The following ARHGAP5 variants were observed in gnomAD, a reference collection of about 807,000 sequenced individuals.
The protein encoded by ARHGAP5 is Rho GTPase activating protein 5.
In ARHGAP5, 23 loss-of-function variants were observed where a neutral mutation model predicts 116.6. That is an observed-to-expected ratio of 0.20 (90% CI 0.14 to 0.28). The LOEUF (loss-of-function observed/expected upper bound fraction) is 0.28. Ranked by LOEUF, ARHGAP5 falls within the 10% of genes least tolerant of loss-of-function variation. ARHGAP5 has a pLI of 1.00. For synonymous variants in ARHGAP5, 574 were observed against 602.0 expected (o/e 0.95, Z 0.68); for missense variants, 1,405 against 1,774.8 (o/e 0.79, Z 3.74).
At chr14:32,086,609 A>G (rs957877721) in intron 1 of ARHGAP5, among the ~76,000 whole-genome samples, 2 of 151,520 alleles carry the variant, frequency 1.3e-5, no homozygotes, top group Non-Finnish European at 2.9e-5. Flanking sequence ...TTAAATATAT[A>G]CCTTTTATTA....
intron 3 of ARHGAP5, among the ~76,000 whole-genome samples, chr14:32,118,531 C>CTAGCTTTGTAGTTGAAA (rs1879720102): frequency 6.6e-6 from 1 of 151,958 alleles, no homozygotes; most frequent in Admixed American, 6.5e-5. Context: ...CCATTATCCA[C>CTAGCTTTGTAGTTGAAA]TAGCTTTGTA....
chr14:32,125,210 A>G (rs2139087712), intron 3 of ARHGAP5, among the ~76,000 whole-genome samples: 1 of 152,300 alleles, frequency 6.6e-6, no homozygotes, highest in African/African-American at 2.4e-5. Flanking sequence ...AATCTGCTTT[A>G]TGGCTCTCTG....
At chr14:32,153,058 T>TG (rs1566687211) in intron 6 of ARHGAP5, among the ~76,000 whole-genome samples, 2 of 142,222 alleles carry the variant, frequency 1.4e-5, no homozygotes, top group Non-Finnish European at 3.1e-5. Flanking sequence ...TTTGTTTTTT[T>TG]TTTTTTTTAA....
intron 1 of ARHGAP5, among the ~76,000 whole-genome samples, chr14:32,082,540 GATTA>G (rs924470338): frequency 7.2e-5 from 11 of 151,782 alleles, no homozygotes; most frequent in South Asian, 2.1e-4. Context: ...CTCTTTTATT[GATTA>G]ATTAATTAAT....
intron 2 of ARHGAP5, among the ~76,000 whole-genome samples, chr14:32,112,272 G>C (rs1379924911): frequency 6.6e-6 from 1 of 152,144 alleles, no homozygotes; most frequent in African/African-American, 2.4e-5. Flanking sequence ...GAGGTGTTTG[G>C]TTTTTTAAAA....
rs1477861808 is a variant in ARHGAP5, at chr14:32,094,391, G to T, written c.3717+5G>T. The T allele has an allele frequency of 6.4e-7, 1 of 1,554,212 alleles. No individual in the cohort carries two copies. Among genetic ancestry groups the T allele is most frequent in the Non-Finnish European group, 8.6e-7 (1 of 1,156,172 alleles). On this transcript the variant is annotated splice_donor_5th_base_variant and intron_variant, in intron 2 of 6. Transcript: ENST00000345122. ...AAAGTGAAAGAAGATAAAAAGGTAA[G>T]GTTAACTTAAGGTCAGTGATGTTTA... is the stretch of plus-strand genomic sequence containing the variant.
At chr14:32,125,548 C>G (rs1453939428) in intron 3 of ARHGAP5, among the ~76,000 whole-genome samples, 1 of 152,206 alleles carries the variant, frequency 6.6e-6, no homozygotes, top group Non-Finnish European at 1.5e-5. Context: ...TCTTGAGGAA[C>G]TGTCAAATTG....
chr14:32,118,160 T>C (rs1346155508), intron 3 of ARHGAP5, among the ~76,000 whole-genome samples: 1 of 152,196 alleles, frequency 6.6e-6, no homozygotes, highest in Non-Finnish European at 1.5e-5. Context: ...AAGTTGTATA[T>C]ATATTGAGTT....
chr14:32,135,909 G>C (rs1365954689), intron 3 of ARHGAP5, among the ~76,000 whole-genome samples: 2 of 152,162 alleles, frequency 1.3e-5, no homozygotes, highest in African/African-American at 2.4e-5. Flanking sequence ...GATGAATGTA[G>C]GATATGTTTT....
At chr14:32,085,080 A>G (rs1401197992) in intron 1 of ARHGAP5, among the ~76,000 whole-genome samples, 3 of 152,108 alleles carry the variant, frequency 2.0e-5, no homozygotes, top group African/African-American at 7.2e-5. Context: ...TAGCTATTTT[A>G]TGTGTGTTAG....
intron 1 of ARHGAP5, among the ~76,000 whole-genome samples, chr14:32,082,178 G>A (rs982987653): frequency 6.6e-6 from 1 of 152,116 alleles, no homozygotes; most frequent in African/African-American, 2.4e-5. Flanking sequence ...ACCAGACCGG[G>A]GTTGGGGACC....
intron 1 of ARHGAP5, among the ~76,000 whole-genome samples, chr14:32,082,288 A>T (rs547739148): frequency 6.6e-6 from 1 of 152,344 alleles, no homozygotes; most frequent in East Asian, 1.9e-4. Flanking sequence ...GTATTACACC[A>T]AATGGTCTCA....
intron 3 of ARHGAP5, among the ~76,000 whole-genome samples, chr14:32,130,422 C>G (rs1880420343): frequency 6.7e-6 from 1 of 150,280 alleles, no homozygotes; most frequent in Admixed American, 6.6e-5. Flanking sequence ...GGGGTTTCAT[C>G]ATGTTGCCAG....
At chr14:32,134,291 A>G (rs1280326077) in intron 3 of ARHGAP5, among the ~76,000 whole-genome samples, 1 of 152,196 alleles carries the variant, frequency 6.6e-6, no homozygotes, top group African/African-American at 2.4e-5. Context: ...GACACATTTT[A>G]GTTCAATAAA....
chr14:32,154,715 G>T lies in ARHGAP5; in HGVS notation c.4276G>T (p.Glu1426Ter). 1.2e-6 allele frequency: 2 copies of T among 1,614,118 alleles called. No homozygotes were observed. The highest frequency in any genetic ancestry group is 1.7e-6 in the Non-Finnish European group (2 of 1,179,984). ...TLMRPDFENREFLSTTKIHQS... is the reference protein window; with the variant it reads ...TLMRPDFENR ...GATGAGACCTGATTTTGAAAATCGA[G>T]AGTTTCTGTCTACTACTAAGATTCA... is the stretch of plus-strand genomic sequence containing the variant. The change falls in exon 7 of 7, where the codon GAG (glutamate) becomes TAG (stop). Residue 1426 changes from glutamate (E) to a stop codon, truncating the protein, a stop_gained. Transcript: ENST00000345122. LOFTEE classifies it high-confidence loss of function.
At chr14:32,134,063 A>G (rs1054468454) in intron 3 of ARHGAP5, among the ~76,000 whole-genome samples, 6 of 152,256 alleles carry the variant, frequency 3.9e-5, no homozygotes, top group Admixed American at 1.3e-4. Context: ...CATCAATGCA[A>G]AAATCCTCAA....
intron 3 of ARHGAP5, among the ~76,000 whole-genome samples, chr14:32,128,825 G>C (rs1171274359): frequency 2.6e-5 from 4 of 152,286 alleles, no homozygotes; most frequent in Non-Finnish European, 4.4e-5. Flanking sequence ...GGTCTGTTGT[G>C]TTTTCTTGTG....
intron 4 of ARHGAP5, among the ~76,000 whole-genome samples, chr14:32,147,382 A>C (rs983739861): frequency 2.0e-5 from 3 of 152,214 alleles, no homozygotes; most frequent in Non-Finnish European, 4.4e-5. Flanking sequence ...GAAGAGAGCA[A>C]CCAATAAATA....
intron 3 of ARHGAP5, among the ~76,000 whole-genome samples, chr14:32,136,545 A>G (rs1880812235): frequency 6.6e-6 from 1 of 152,180 alleles, no homozygotes; most frequent in African/African-American, 2.4e-5. Context: ...TCTTTTGGCT[A>G]TTGTGAATAG....
Sources: gnomAD v4.1 joint callset for allele counts (sites outside exome capture counted in the v4.1 genomes callset) on GRCh38, gnomAD v4.1.1 for gene constraint, MANE v1.5 for transcripts, NCBI Gene and HGNC (gene_info 2026-07-23, HGNC 2026-07-21) for gene names.